The following LRRTM4 variants were observed in gnomAD, a reference collection of about 807,000 sequenced individuals.
LRRTM4 encodes the protein leucine-rich repeat transmembrane neuronal protein 4.
LRRTM4 carries 25 observed loss-of-function variants against 47.6 expected under a neutral mutation model. The ratio of observed to expected loss-of-function variants is 0.53; its 90% CI spans 0.38 to 0.73. The LOEUF (loss-of-function observed/expected upper bound fraction) is 0.73, where lower values mean the gene tolerates loss of function less well. Ranked by LOEUF, LRRTM4 falls within the 30% of genes least tolerant of loss-of-function variation. The pLI is 0.00. For synonymous variants in LRRTM4, 311 were observed against 269.5 expected, an observed-to-expected ratio of 1.15 and a Z score of -1.51; for missense variants, 638 against 713.4, an observed-to-expected ratio of 0.89 and a Z score of 1.20.
At chr2:77,396,589 T>G (rs2103825527) in intron 3 of LRRTM4, among the ~76,000 whole-genome samples, 1 of 152,076 alleles carries the variant, frequency 6.6e-6, no homozygotes, top group African/African-American at 2.4e-5. Flanking sequence ...ATAAAAGTTT[T>G]CCCTCATTAT....
chr2:77,181,973 G>A (rs1673359390), intron 3 of LRRTM4, among the ~76,000 whole-genome samples: 1 of 152,112 alleles, frequency 6.6e-6, no homozygotes. Context: ...ACTGTTGGTG[G>A]CAATGTAAAT....
intron 3 of LRRTM4, among the ~76,000 whole-genome samples, chr2:76,894,328 C>A (rs1203426193): frequency 3.3e-5 from 5 of 152,054 alleles, no homozygotes; most frequent in African/African-American, 1.2e-4. Context: ...CATAGTAGGT[C>A]CCCTTGGACC....
chr2:76,843,952 A>T (rs1348698826), intron 3 of LRRTM4, among the ~76,000 whole-genome samples: 1 of 142,254 alleles, frequency 7.0e-6, no homozygotes, highest in Non-Finnish European at 1.5e-5. Context: ...CCCAGACTGG[A>T]GTGCAGTGGC....
chr2:76,988,610 A>C (rs569309320), intron 3 of LRRTM4, among the ~76,000 whole-genome samples: 30 of 151,988 alleles, frequency 2.0e-4, no homozygotes, highest in Non-Finnish European at 3.8e-4. Flanking sequence ...AAAAGCCCCA[A>C]ATTTTCTACT....
chr2:77,038,511 T>G (rs1203270368), intron 3 of LRRTM4, among the ~76,000 whole-genome samples: 1 of 151,556 alleles, frequency 6.6e-6, no homozygotes, highest in Admixed American at 6.6e-5. Context: ...GCATTGTGTA[T>G]GTCACATGCC....
At position 77,521,791 on chromosome 2, in the gene LRRTM4, C is replaced by T. The variant is rs1421288658; in HGVS notation, c.-120G>A. ...GCTGTCATTCACACCATTCTGATCC[C>T]GCATGTGAGCTAGTAGCCCCATACA... On this transcript the variant is annotated 5_prime_UTR_variant, in exon 2 of 4. Coordinates refer to ENST00000409884, the MANE Select transcript of LRRTM4 (RefSeq NM_001134745.3). The T allele has an allele frequency of 3.9e-6, 4 of 1,032,244 alleles. No homozygotes were observed. The highest frequency in any genetic ancestry group is 1.4e-5 in the South Asian group (1 of 69,338). 63.9% of individuals were successfully genotyped at this position (1,032,244 alleles called of 1,614,324 possible). A position where few individuals can be genotyped will look rare whatever the true frequency, so the allele number is the denominator to read the frequency against.
chr2:77,030,191 G>A lies in LRRTM4; in HGVS notation c.1552-281275C>T, dbSNP rs560393460. Among the ~76,000 whole-genome samples the A allele has an allele frequency of 1.2e-3, 189 of 152,320 alleles. 2 individuals are homozygous for A. The South Asian group carries it at 0.02, about 17-fold the overall frequency. ...CTCACGCCTGTAATCCCAGCACTTTGGGAGGCTGAGGCGGGGAGATCACGA... is the reference window on the plus strand; with the variant it reads ...CTCACGCCTGTAATCCCAGCACTTTAGGAGGCTGAGGCGGGGAGATCACGA... On this transcript the variant is annotated intron_variant, in intron 3 of 3. Transcript: ENST00000409884.
chr2:77,172,928 G>A (rs1673096102), intron 3 of LRRTM4, among the ~76,000 whole-genome samples: 1 of 152,140 alleles, frequency 6.6e-6, no homozygotes, highest in Non-Finnish European at 1.5e-5. Flanking sequence ...AACAAAGGCT[G>A]AGAAGATAAA....
chr2:77,196,916 TG>T (rs1227227391), intron 3 of LRRTM4, among the ~76,000 whole-genome samples: 2 of 152,160 alleles, frequency 1.3e-5, no homozygotes, highest in African/African-American at 4.8e-5. Flanking sequence ...CACCATGTTA[TG>T]TTTTTTTAAT....
At chr2:77,479,795 C>T (rs1472743575) in intron 3 of LRRTM4, among the ~76,000 whole-genome samples, 2 of 151,720 alleles carry the variant, frequency 1.3e-5, no homozygotes, top group Non-Finnish European at 2.9e-5. Flanking sequence ...CTTTCTCTTT[C>T]TCTCTCTCTT....
chr2:77,124,240 G>A (rs369303348), intron 3 of LRRTM4, among the ~76,000 whole-genome samples: 2 of 152,112 alleles, frequency 1.3e-5, no homozygotes, highest in African/African-American at 4.8e-5. Context: ...TTAGGACGAC[G>A]ATGAAGAAAG....
At chr2:76,924,591 C>T (rs1261798445) in intron 3 of LRRTM4, among the ~76,000 whole-genome samples, 1 of 150,778 alleles carries the variant, frequency 6.6e-6, no homozygotes, top group African/African-American at 2.5e-5. Flanking sequence ...TGGTATAATA[C>T]TTCTTTTAAA....
At chr2:77,464,527 G>A (rs1056815157) in intron 3 of LRRTM4, among the ~76,000 whole-genome samples, 1 of 148,178 alleles carries the variant, frequency 6.7e-6, no homozygotes, top group African/African-American at 2.5e-5. Flanking sequence ...TTCAAACTAA[G>A]TCTTCAAAAT....
chr2:76,902,102 T>C (rs534644244), intron 3 of LRRTM4, among the ~76,000 whole-genome samples: 34 of 152,244 alleles, frequency 2.2e-4, no homozygotes, highest in Non-Finnish European at 4.3e-4. Context: ...GTTTTTAAAA[T>C]GTGAATTTTA....
At chr2:76,828,897 C>G (rs909707508) in intron 3 of LRRTM4, among the ~76,000 whole-genome samples, 4 of 151,882 alleles carry the variant, frequency 2.6e-5, no homozygotes, top group Non-Finnish European at 4.4e-5. Flanking sequence ...TCTCTGATCC[C>G]TAATAACTAA....
intron 3 of LRRTM4, among the ~76,000 whole-genome samples, chr2:77,226,759 G>A (rs1167421982): frequency 1.3e-5 from 2 of 151,860 alleles, no homozygotes; most frequent in African/African-American, 4.8e-5. Context: ...GACATACATT[G>A]AATCCTTAAA....
At chr2:77,170,483 A>G (rs1404462203) in intron 3 of LRRTM4, among the ~76,000 whole-genome samples, 2 of 152,184 alleles carry the variant, frequency 1.3e-5, no homozygotes, top group Non-Finnish European at 2.9e-5. Flanking sequence ...TGACACCTTG[A>G]TTGTAGTCTA....
At chr2:77,009,684 C>T (rs1443597450) in intron 3 of LRRTM4, 1 of 152,084 alleles carries the variant, frequency 6.6e-6, no homozygotes, top group Non-Finnish European at 1.5e-5. Context: ...GTAGCCACAT[C>T]TTGATTCTTA....
intron 3 of LRRTM4, among the ~76,000 whole-genome samples, chr2:76,797,852 A>T (rs1675432912): frequency 2.0e-5 from 3 of 151,738 alleles, no homozygotes; most frequent in African/African-American, 7.3e-5. Flanking sequence ...ACCAACAAAG[A>T]TCAAAAGAGA....
Sources: allele counts gnomAD v4.1 joint callset (sites outside exome capture counted in the v4.1 genomes callset), GRCh38; gene constraint gnomAD v4.1.1; transcripts MANE v1.5; gene names NCBI Gene and HGNC (gene_info 2026-07-23, HGNC 2026-07-21).